The following MASP1 variants were observed in gnomAD, a reference collection of about 807,000 sequenced individuals.
The protein encoded by MASP1 is MBL associated serine protease 1.
MASP1 carries 59 observed loss-of-function variants against 77.1 expected under a neutral mutation model. The ratio of observed to expected loss-of-function variants is 0.77; its 90% CI spans 0.62 to 0.95. MASP1 has a LOEUF of 0.95. Among genes scored for constraint, MASP1 ranks in the 40% least tolerant of loss-of-function variants. The pLI is 0.00. For synonymous variants in MASP1, 362 were observed against 354.5 expected, an observed-to-expected ratio of 1.02 and a Z score of -0.24; for missense variants, 885 against 912.9, an observed-to-expected ratio of 0.97 and a Z score of 0.39.
rs756546784 is a variant in MASP1, at chr3:187,220,229, C to T, written c.1942G>A (p.Gly648Ser). 1.9e-6 allele frequency: 3 copies of T among 1,614,166 alleles called. No individual in the cohort carries two copies. In the Admixed American group the frequency reaches 5.0e-5, roughly 27 times the overall value. ...TCTCTATTCAGGGTCACCATGGGGC[C>T]TCCAGAGTCACCCGCACAGGCGTCC... Residue 648 changes from glycine (G) to serine (S), a missense_variant, in exon 16 of 16, where the codon GGC becomes AGC. Coordinates refer to the MASP1 transcript ENST00000337774.
intron 14 of MASP1, chr3:187,223,032 C>T (rs539194453): frequency 1.0e-5 from 12 of 1,148,254 alleles, no homozygotes; most frequent in Non-Finnish European, 1.3e-5. Context: ...CAACCCCCAC[C>T]CAAGCCTCAA....
chr3:187,275,798 G>A (rs868342054), intron 2 of MASP1, among the ~76,000 whole-genome samples: 1 of 130,914 alleles, frequency 7.6e-6, no homozygotes, highest in African/African-American at 3.0e-5. Flanking sequence ...CCCCCAATCT[G>A]GTTGTTAGCA....
rs150583270 is a variant in MASP1, at chr3:187,235,906, G to A, written c.1965C>T (p.Gly655=). The A allele has an allele frequency of 2.4e-5, 38 of 1,614,202 alleles. No homozygotes were observed. Among genetic ancestry groups the A allele is most frequent in the Admixed American group, 1.0e-4 (6 of 60,026 alleles). Residue 655 remains glycine, a synonymous_variant, in exon 11 of 11, where the codon GGC becomes GGT. Coordinates refer to ENST00000296280, the MANE Select transcript of MASP1 (RefSeq NM_139125.4). ...TATCTCCAAGGCACGTGTCTTTGCC[G>A]CCCTCGTAGTAGCCAGCACAGAACA... is the stretch of plus-strand genomic sequence containing the variant. ...ENMFCAGYYE[G]GKDTCLGDSG... is the part of the protein sequence containing the mutation.
intron 2 of MASP1, among the ~76,000 whole-genome samples, chr3:187,285,613 T>C (rs1717783071): frequency 6.6e-6 from 1 of 152,056 alleles, no homozygotes; most frequent in African/African-American, 2.4e-5. Flanking sequence ...GGCTGAGTCA[T>C]ACTCTATCAA....
chr3:187,261,501 G>A (rs764663271), intron 3 of MASP1, among the ~76,000 whole-genome samples: 1 of 152,212 alleles, frequency 6.6e-6, no homozygotes, highest in Non-Finnish European at 1.5e-5. Flanking sequence ...TTAAGGGAAT[G>A]CAGTTTAAAC....
chr3:187,243,098 A>C, intron 9 of MASP1: 1 of 320,228 alleles, frequency 3.1e-6, no homozygotes, highest in Non-Finnish European at 6.0e-6. Context: ...TGGAAACCCC[A>C]ACTCAGCCTC....
At chr3:187,220,433 T>A (rs1711978246) in intron 15 of MASP1, among the ~76,000 whole-genome samples, 1 of 152,074 alleles carries the variant, frequency 6.6e-6, no homozygotes, top group African/African-American at 2.4e-5. Context: ...AGAGCTCAAA[T>A]GATTCTAAAA....
chr3:187,263,488 T>C (rs1715775862), intron 2 of MASP1, among the ~76,000 whole-genome samples: 1 of 152,132 alleles, frequency 6.6e-6, no homozygotes, highest in Non-Finnish European at 1.5e-5. Flanking sequence ...TAGGAGGAGA[T>C]GTACTTGGAA....
Position 187,241,939 on chromosome 3 carries a change from C to T in MASP1, c.1229-384G>A, listed in dbSNP as rs190868288. 5.2e-4 allele frequency: 148 copies of T among 283,878 alleles called. 1 individual carries two copies. In the East Asian group the frequency reaches 0.012, roughly 23 times the overall value. The allele number at this position is 283,878 out of a possible 1,614,324, so 17.6% of individuals were successfully genotyped here. On this transcript the variant is annotated intron_variant, in intron 9 of 10. Transcript: ENST00000296280. ...TGCTGTCACCCCCAAAAATAAACAC[C>T]ACACTCTTCAGCATGGTGTCTGTCC...
At chr3:187,272,575 G>A (rs1267071430) in intron 2 of MASP1, among the ~76,000 whole-genome samples, 3 of 152,252 alleles carry the variant, frequency 2.0e-5, no homozygotes, top group African/African-American at 7.2e-5. Flanking sequence ...GAAGAGGGAA[G>A]TTTGGACACA....
At chr3:187,244,261 G>C (rs1713901434) in intron 8 of MASP1, 1 of 158,756 alleles carries the variant, frequency 6.3e-6, no homozygotes. Context: ...TATAATTGTT[G>C]ATGGCCGCAT....
intron 8 of MASP1, among the ~76,000 whole-genome samples, chr3:187,249,834 G>A (rs781239249): frequency 6.6e-6 from 1 of 152,170 alleles, no homozygotes; most frequent in Non-Finnish European, 1.5e-5. Context: ...TAAATCATGA[G>A]CTGTCTCAGA....
chr3:187,226,431 G>T lies in MASP1; in HGVS notation c.1531C>A (p.Pro511Thr), dbSNP rs1032525552. ...CCCAGGATGATTTTGAAGTCAGAAG[G>T]GCTGAGCAAGTCTGAATCACGTAGG... is the stretch of plus-strand genomic sequence containing the variant. The change falls in exon 12 of 16, where the codon CCT (proline) becomes ACT (threonine). Residue 511 changes from proline (P) to threonine (T), a missense_variant. Physicochemically the swap from Pro to Thr is conservative, Grantham distance 38. Transcript: ENST00000337774. The T allele has an allele frequency of 1.9e-6, 3 of 1,611,590 alleles. No homozygotes were observed. Among genetic ancestry groups the T allele is most frequent in the Non-Finnish European group, 2.5e-6 (3 of 1,179,016 alleles).
intron 1 of MASP1, chr3:187,291,158 G>A (rs577826428): frequency 5.2e-6 from 1 of 192,368 alleles, no homozygotes; most frequent in Admixed American, 5.3e-5. Context: ...ACTTGTAAAG[G>A]TTGAAGAAAC....
chr3:187,229,868 G>C, downstream of MASP1: 1 of 1,614,134 alleles, frequency 6.2e-7, no homozygotes, highest in African/African-American at 1.3e-5. Context: ...CTGGCCATCA[G>C]CTTCCGGGAG....
intron 11 of MASP1, among the ~76,000 whole-genome samples, chr3:187,227,596 G>T (rs1455209379): frequency 6.6e-6 from 1 of 152,150 alleles, no homozygotes; most frequent in African/African-American, 2.4e-5. Flanking sequence ...CTCAGAGCAG[G>T]TTCCAGGCTC....
chr3:187,236,863 TTG>T (rs1713231405), intron 10 of MASP1, among the ~76,000 whole-genome samples: 1 of 152,180 alleles, frequency 6.6e-6, no homozygotes, highest in African/African-American at 2.4e-5. Flanking sequence ...CTAAGACCAC[TTG>T]TGACCCAGAC....
chr3:187,270,294 T>C (rs545995912), intron 2 of MASP1, among the ~76,000 whole-genome samples: 1 of 152,318 alleles, frequency 6.6e-6, no homozygotes, highest in South Asian at 2.1e-4. Flanking sequence ...TAAAACTCAG[T>C]TTTAGCAAAA....
chr3:187,221,354 T>C (rs1181504433), intron 14 of MASP1, among the ~76,000 whole-genome samples: 1 of 152,222 alleles, frequency 6.6e-6, no homozygotes, highest in Non-Finnish European at 1.5e-5. Context: ...AGACCTTGGC[T>C]GTGTGAACTT....
Sources: gnomAD v4.1 joint callset for allele counts (sites outside exome capture counted in the v4.1 genomes callset) on GRCh38, gnomAD v4.1.1 for gene constraint, MANE v1.5 for transcripts, NCBI Gene and HGNC (gene_info 2026-07-23, HGNC 2026-07-21) for gene names.